Variants in CHCHD3 observed in about 807,000 individuals in gnomAD.
CHCHD3 encodes MICOS complex subunit MIC19.
Under a neutral mutation model 38.2 loss-of-function variants are expected in CHCHD3, and 20 were observed. That is an observed-to-expected ratio of 0.52 (90% confidence interval 0.37 to 0.76). The LOEUF is 0.76. Ranked by LOEUF, CHCHD3 falls within the 30% of genes least tolerant of loss-of-function variation. The pLI, the probability that CHCHD3 is intolerant of heterozygous loss-of-function variation, is 0.00. For synonymous variants in CHCHD3, 82 were observed against 100.0 expected (o/e 0.82, Z 1.07); for missense variants, 245 against 279.2 (o/e 0.88, Z 0.87).
intron 5 of CHCHD3, among the ~76,000 whole-genome samples, chr7:132,848,090 C>T (rs747101357): frequency 8.5e-5 from 13 of 152,328 alleles, no homozygotes; most frequent in Admixed American, 2.0e-4. Context: ...TACAATACCA[C>T]ACTGGCTGAA....
chr7:132,893,434 A>G (rs924431281), intron 4 of CHCHD3, among the ~76,000 whole-genome samples: 3 of 152,196 alleles, frequency 2.0e-5, no homozygotes, highest in African/African-American at 7.2e-5. Context: ...CCTACATAGA[A>G]GGGACTTTCC....
chr7:132,828,117 T>C (rs562784193), intron 6 of CHCHD3, among the ~76,000 whole-genome samples: 4 of 152,192 alleles, frequency 2.6e-5, no homozygotes, highest in South Asian at 2.1e-4. Flanking sequence ...TATTTTCATT[T>C]CTCTTGGGTA....
chr7:133,007,192 G>A (rs1184231374), intron 3 of CHCHD3, among the ~76,000 whole-genome samples: 1 of 152,158 alleles, frequency 6.6e-6, no homozygotes, highest in Non-Finnish European at 1.5e-5. Flanking sequence ...GCTGTTACAG[G>A]TGGGGTAATG....
intron 6 of CHCHD3, among the ~76,000 whole-genome samples, chr7:132,805,899 C>T (rs1159013124): frequency 5.3e-5 from 8 of 152,090 alleles, no homozygotes; most frequent in African/African-American, 1.7e-4. Context: ...TAAACATGCT[C>T]GAGTAATGAC....
rs571248333 is a variant in CHCHD3, at chr7:133,074,231, A to C, written c.82-4002T>G. Among the ~76,000 whole-genome samples the C allele has an allele frequency of 2.8e-4, 43 of 152,350 alleles. No individual in the cohort carries two copies. The South Asian group carries it at 8.5e-3, about 30-fold the overall frequency. ...GGCACTAATCAAGGCCCTGTGATAC[A>C]TCAGTGAACTAAATAGTCTATACCT... On this transcript the variant is annotated intron_variant, in intron 1 of 7. Transcript: ENST00000262570.
At chr7:132,810,029 A>G (rs1807027541) in intron 6 of CHCHD3, among the ~76,000 whole-genome samples, 1 of 152,206 alleles carries the variant, frequency 6.6e-6, no homozygotes, top group South Asian at 2.1e-4. Flanking sequence ...AATGGTCTCT[A>G]TTTGGGAAAT....
In CHCHD3 at chr7:132,955,542, GT is replaced by G. The variant is rs112242604; in HGVS notation, c.369+19626del. Among the ~76,000 whole-genome samples the G allele has an allele frequency of 5.8e-3, 792 of 135,816 alleles. 4 individuals are homozygous for G. Among genetic ancestry groups the G allele is most frequent in the Middle Eastern group, 0.016 (4 of 254 alleles). 89.1% of individuals were successfully genotyped at this position (135,816 alleles called of 152,430 possible). The stretch of plus-strand genomic sequence containing the variant: ...GTTTGTTTGTTTTTTGGGGTTTTTT[GT>G]TTTTTTTTTTTAATGTGATTAACAT... On this transcript the variant is annotated intron_variant, in intron 4 of 7. Transcript: ENST00000262570.
chr7:132,893,847 G>C (rs1036724874), intron 4 of CHCHD3, among the ~76,000 whole-genome samples: 5 of 152,110 alleles, frequency 3.3e-5, no homozygotes, highest in African/African-American at 1.2e-4. Flanking sequence ...ATGATTGTAA[G>C]GTTCCTGAGG....
chr7:133,042,329 A>G (rs1584666789), intron 2 of CHCHD3, among the ~76,000 whole-genome samples: 1 of 152,098 alleles, frequency 6.6e-6, no homozygotes, highest in Non-Finnish European at 1.5e-5. Context: ...CTCTCCAACT[A>G]TCTTACGTTT....
chr7:132,965,086 T>TG (rs3050416), intron 4 of CHCHD3, among the ~76,000 whole-genome samples: 2 of 151,708 alleles, frequency 1.3e-5, no homozygotes, highest in South Asian at 2.1e-4. Context: ...TGTGTGTGTG[T>TG]TTTACTTCCT....
intron 1 of CHCHD3, among the ~76,000 whole-genome samples, chr7:133,078,537 T>C (rs1477620880): frequency 6.6e-6 from 1 of 152,118 alleles, no homozygotes; most frequent in African/African-American, 2.4e-5. Flanking sequence ...CATATTTATA[T>C]TAAGGGAATG....
Position 133,011,540 on chromosome 7 carries a change from C to T in CHCHD3, c.251+13006G>A, listed in dbSNP as rs111989335. Among the ~76,000 whole-genome samples the T allele has an allele frequency of 4.1e-3, 617 of 152,290 alleles. 3 individuals are homozygous for T. Among genetic ancestry groups the T allele is most frequent in the Non-Finnish European group, 6.8e-3 (465 of 68,022 alleles). ...AACAGCATTGCTGGCCTCTACCTATCAGATGCCAGTGGTACCCCCAATGTT... is the reference window on the plus strand; with the variant it reads ...AACAGCATTGCTGGCCTCTACCTATTAGATGCCAGTGGTACCCCCAATGTT... On this transcript the variant is annotated intron_variant, in intron 3 of 7. Transcript: ENST00000262570.
chr7:133,005,194 G>A (rs1458862131), intron 3 of CHCHD3, among the ~76,000 whole-genome samples: 1 of 152,128 alleles, frequency 6.6e-6, no homozygotes, highest in Admixed American at 6.5e-5. Context: ...TCCCAATTCT[G>A]GGTTATTTTT....
intron 7 of CHCHD3, among the ~76,000 whole-genome samples, chr7:132,793,537 G>C (rs933104315): frequency 6.6e-6 from 1 of 152,204 alleles, no homozygotes; most frequent in African/African-American, 2.4e-5. Flanking sequence ...TTGAAGAACA[G>C]CTGAAGAAAC....
At chr7:132,854,671 T>A (rs1055834628) in intron 5 of CHCHD3, among the ~76,000 whole-genome samples, 6 of 152,208 alleles carry the variant, frequency 3.9e-5, no homozygotes, top group African/African-American at 1.4e-4. Context: ...TGCCATTTGT[T>A]AAGTGGGTCA....
intron 4 of CHCHD3, among the ~76,000 whole-genome samples, chr7:132,937,154 A>G (rs1173046494): frequency 1.3e-5 from 2 of 152,180 alleles, no homozygotes; most frequent in South Asian, 4.1e-4. Context: ...ACAGTTTATA[A>G]AAACTAGATT....
rs1815195635 is a variant in CHCHD3 at position 133,082,079 on chromosome 7, G to A, written c.-142C>T. The A allele has an allele frequency of 4.1e-6, 3 of 730,306 alleles. No individual in the cohort carries two copies. Among genetic ancestry groups the A allele is most frequent in the Non-Finnish European group, 6.5e-6 (3 of 462,206 alleles). 45.2% of individuals were successfully genotyped at this position (730,306 alleles called of 1,614,324 possible). On this transcript the variant is annotated 5_prime_UTR_variant, in exon 1 of 8. Transcript: ENST00000262570. ...CCACGACCCCCAGAAGCAAGGAGAAGGCGCCGGTCCTGAGCTCCCGCCTCC... is the reference window on the plus strand; with the variant it reads ...CCACGACCCCCAGAAGCAAGGAGAAAGCGCCGGTCCTGAGCTCCCGCCTCC...
chr7:132,980,669 G>A (rs1018189521), intron 3 of CHCHD3, among the ~76,000 whole-genome samples: 6 of 152,128 alleles, frequency 3.9e-5, no homozygotes, highest in African/African-American at 9.7e-5. Flanking sequence ...TCAATCAGGC[G>A]AGGGACTTAA....
chr7:132,956,720 A>G (rs2117298116), intron 4 of CHCHD3, among the ~76,000 whole-genome samples: 1 of 152,328 alleles, frequency 6.6e-6, no homozygotes, highest in African/African-American at 2.4e-5. Context: ...CGTCTTGAAG[A>G]TAACTGATAG....
Sources: allele counts gnomAD v4.1 joint callset (sites outside exome capture counted in the v4.1 genomes callset), GRCh38; gene constraint gnomAD v4.1.1; transcripts MANE v1.5; gene names NCBI Gene and HGNC (gene_info 2026-07-23, HGNC 2026-07-21).